The following FRMPD4 variants were observed in gnomAD, a reference collection of about 807,000 sequenced individuals.
The protein encoded by FRMPD4 is FERM and PDZ domain-containing protein 4.
FRMPD4 carries 22 observed loss-of-function variants against 94.1 expected under a neutral mutation model. The observed-to-expected ratio is 0.23, with a 90% CI of 0.17 to 0.33. The LOEUF (loss-of-function observed/expected upper bound fraction) is 0.33. Among genes scored for constraint, FRMPD4 ranks in the 10% least tolerant of loss-of-function variants. FRMPD4 has a pLI of 1.00. For missense variants in FRMPD4, 1,111 were observed against 1,339.9 expected (o/e 0.83, Z 2.67); for synonymous variants, 631 against 548.6 (o/e 1.15, Z -2.10).
chrX:12,069,115 A>T (rs1203225620), intron 3 of FRMPD4, among the ~76,000 whole-genome samples: 1 of 111,768 alleles, frequency 8.9e-6, no homozygotes, highest in Non-Finnish European at 1.9e-5. Flanking sequence ...ACTGGAAGAA[A>T]ATGAGGTACT....
chrX:12,041,827 T>A (rs973151595), intron 3 of FRMPD4, among the ~76,000 whole-genome samples: 1 of 111,955 alleles, frequency 8.9e-6, no homozygotes, highest in South Asian at 3.7e-4. Context: ...GGAAACTTGA[T>A]TATTTTTCTT....
In FRMPD4 at chrX:12,704,047, G is replaced by T. The variant is rs189369425; in HGVS notation, c.1071-312G>T. On this transcript the variant is annotated intron_variant, in intron 10 of 16. Coordinates refer to ENST00000675598, the MANE Select transcript of FRMPD4 (RefSeq NM_001368397.1). ...GTGTTGGAAATACAAACTCGGATAC[G>T]TGAGTGACTTTGAAGAGATTCAGAA... is the stretch of plus-strand genomic sequence containing the variant. Among the ~76,000 whole-genome samples, 4 of 112,607 alleles carry T rather than the reference G, an allele frequency of 3.6e-5. No homozygotes were observed. In the East Asian group the frequency reaches 1.1e-3, roughly 31 times the overall value.
intron 3 of FRMPD4, among the ~76,000 whole-genome samples, chrX:12,038,710 T>A (rs746953937): frequency 1.8e-5 from 2 of 112,140 alleles, no homozygotes; most frequent in East Asian, 5.6e-4. Context: ...CTATGTCAAC[T>A]GATGTGCATA....
intron 1 of FRMPD4, among the ~76,000 whole-genome samples, chrX:12,283,047 G>A (rs2054549608): frequency 1.8e-5 from 2 of 112,848 alleles, no homozygotes; most frequent in South Asian, 7.2e-4. Flanking sequence ...AGTTCCAATG[G>A]ACAGCGCTGA....
chrX:12,214,226 A>C (rs5979552), intron 1 of FRMPD4, among the ~76,000 whole-genome samples: 8,832 of 111,071 alleles, frequency 0.08, 836 homozygotes, highest in African/African-American at 0.27. Context: ...ATTCCTGATT[A>C]CTGGCCTTTA....
intron 1 of FRMPD4, among the ~76,000 whole-genome samples, chrX:12,373,943 T>C (rs1443072205): frequency 8.9e-6 from 1 of 112,074 alleles, no homozygotes; most frequent in Non-Finnish European, 1.9e-5. Context: ...CATCACCAGC[T>C]GCATGAAGTT....
At chrX:12,151,341 GT>G (rs1358597038) in intron 1 of FRMPD4, among the ~76,000 whole-genome samples, 1 of 111,253 alleles carries the variant, frequency 9.0e-6, no homozygotes, top group African/African-American at 3.3e-5. Flanking sequence ...ACGTGAGGGG[GT>G]GGGGTGCACA....
chrX:12,182,559 AAAAT>A (rs10647183), intron 1 of FRMPD4, among the ~76,000 whole-genome samples: 1 of 101,635 alleles, frequency 9.8e-6, no homozygotes, highest in Non-Finnish European at 2.0e-5. Context: ...TAGGAGGGGG[AAAAT>A]AAATAAATAA....
intron 1 of FRMPD4, among the ~76,000 whole-genome samples, chrX:12,414,282 A>G (rs765382615): frequency 8.9e-6 from 1 of 112,184 alleles, no homozygotes; most frequent in East Asian, 2.8e-4. Context: ...CCCATTTTCA[A>G]TTTTTGAGTT....
intron 3 of FRMPD4, among the ~76,000 whole-genome samples, chrX:11,942,434 A>T (rs1241690877): frequency 9.0e-6 from 1 of 111,221 alleles, no homozygotes; most frequent in African/African-American, 3.3e-5. Flanking sequence ...CTTAAAGTGT[A>T]ATGACTTAAA....
chrX:12,246,521 A>G (rs1354340769), intron 1 of FRMPD4, among the ~76,000 whole-genome samples: 1 of 111,773 alleles, frequency 8.9e-6, no homozygotes, highest in African/African-American at 3.3e-5. Flanking sequence ...CTTGAGCTTT[A>G]TGGTGTTCAT....
At chrX:12,615,670 A>C (rs1467788749) in intron 4 of FRMPD4, among the ~76,000 whole-genome samples, 1 of 111,554 alleles carries the variant, frequency 9.0e-6, no homozygotes, top group South Asian at 3.9e-4. Flanking sequence ...TTATAAACTC[A>C]TATTTTCAAC....
intron 5 of FRMPD4, among the ~76,000 whole-genome samples, chrX:12,677,822 T>A (rs1238487153): frequency 9.0e-6 from 1 of 110,593 alleles, no homozygotes; most frequent in Non-Finnish European, 1.9e-5. Context: ...GGGGTGAGAG[T>A]CTTGGGATCC....
chrX:11,845,364 A>T (rs1473436112), intron 1 of FRMPD4, among the ~76,000 whole-genome samples: 1 of 112,007 alleles, frequency 8.9e-6, no homozygotes, highest in Non-Finnish European at 1.9e-5. Context: ...CAATAACAGG[A>T]TCTGAACTTA....
At position 12,724,043 on chromosome X, in the gene FRMPD4, T is replaced by C. The variant is rs1420220306; in HGVS notation, c.*2185T>C. On this transcript the variant is annotated 3_prime_UTR_variant, in exon 17 of 17. Coordinates refer to ENST00000675598, the MANE Select transcript of FRMPD4 (RefSeq NM_001368397.1). ...CATCATAATCGTTGTGTTAAATATA[T>C]TGCCCAAGATAATATGTGGGGGAAT... The C allele has an allele frequency of 8.9e-6, 1 of 112,203 alleles. No homozygotes were observed. The highest frequency in any genetic ancestry group is 1.9e-5 in the Non-Finnish European group (1 of 53,289). 9.2% of individuals were successfully genotyped at this position (112,203 alleles called of 1,213,427 possible).
chrX:12,013,918 C>A (rs2054592705), intron 3 of FRMPD4, among the ~76,000 whole-genome samples: 1 of 112,953 alleles, frequency 8.9e-6, no homozygotes, highest in Non-Finnish European at 1.9e-5. Flanking sequence ...GAGAACTAAC[C>A]CTTATGGAAC....
chrX:12,691,636 C>A (rs889406926), intron 8 of FRMPD4, among the ~76,000 whole-genome samples: 6 of 111,165 alleles, frequency 5.4e-5, no homozygotes, highest in African/African-American at 2.0e-4. Context: ...AGAGGCAGAA[C>A]TTAAGGATTT....
At chrX:12,409,732 T>C (rs1477751245) in intron 1 of FRMPD4, among the ~76,000 whole-genome samples, 1 of 112,319 alleles carries the variant, frequency 8.9e-6, no homozygotes, top group East Asian at 2.8e-4. Context: ...CTAATGAGTT[T>C]TATGTTTTTC....
intron 1 of FRMPD4, among the ~76,000 whole-genome samples, chrX:11,823,584 T>G (rs1601786872): frequency 9.0e-6 from 1 of 111,382 alleles, no homozygotes; most frequent in South Asian, 3.8e-4. Flanking sequence ...AAAGACCAGA[T>G]AGTAGATATT....
Sources: allele counts gnomAD v4.1 joint callset (sites outside exome capture counted in the v4.1 genomes callset), GRCh38; gene constraint gnomAD v4.1.1; transcripts MANE v1.5; gene names NCBI Gene and HGNC (gene_info 2026-07-23, HGNC 2026-07-21).